MTUS2: variants seen among roughly 807,000 people sequenced by gnomAD.
The protein encoded by MTUS2 is microtubule associated scaffold protein 2.
In MTUS2, 40 loss-of-function variants were observed where a neutral mutation model predicts 114.1. The observed-to-expected ratio is 0.35, with a 90% CI of 0.27 to 0.46. MTUS2 has a LOEUF of 0.46. MTUS2 is among the 20% of genes least tolerant of loss of function. MTUS2 has a pLI of 1.00. For synonymous variants in MTUS2, 688 were observed against 672.0 expected, an observed-to-expected ratio of 1.02 and a Z score of -0.37; for missense variants, 1,679 against 1,705.4, an observed-to-expected ratio of 0.98 and a Z score of 0.27.
At chr13:29,187,138 T>A (rs182128792) in intron 5 of MTUS2, among the ~76,000 whole-genome samples, 44 of 151,862 alleles carry the variant, frequency 2.9e-4, no homozygotes, top group African/African-American at 9.9e-4. Flanking sequence ...TACCTGTGAA[T>A]GCAAATATTA....
intron 5 of MTUS2, among the ~76,000 whole-genome samples, chr13:29,117,931 C>A (rs3927511): frequency 0.21 from 32,536 of 152,026 alleles, 3,732 homozygotes; most frequent in African/African-American, 0.27. Flanking sequence ...GGACCCTGTC[C>A]AGATGGTTTC....
At chr13:29,083,808 A>G (rs1185654651) in intron 4 of MTUS2, among the ~76,000 whole-genome samples, 1 of 152,204 alleles carries the variant, frequency 6.6e-6, no homozygotes, top group Non-Finnish European at 1.5e-5. Flanking sequence ...TTGCCAAGCC[A>G]ATTTTGTATA....
chr13:29,194,878 A>G (rs962579334), intron 5 of MTUS2, among the ~76,000 whole-genome samples: 8 of 150,776 alleles, frequency 5.3e-5, no homozygotes, highest in African/African-American at 1.9e-4. Context: ...GGATTAAGAA[A>G]ATGTGGCACA....
chr13:28,911,433 C>T lies in MTUS2; in HGVS notation c.-243+71583C>T, dbSNP rs542041165. On this transcript the variant is annotated intron_variant, in intron 2 of 15. Transcript: ENST00000612955. ...TCGTGATCCACCCGCCTCAGCCTCC[C>T]GAAGTGCTGGGATTACAGGCGTGAG... is the stretch of plus-strand genomic sequence containing the variant. Among the ~76,000 whole-genome samples the T allele has an allele frequency of 8.5e-5, 13 of 152,152 alleles. No individual in the cohort carries two copies. The South Asian group carries it at 1.7e-3, about 19-fold the overall frequency.
chr13:28,826,474 T>C lies in MTUS2; in HGVS notation c.-316+5863T>C, dbSNP rs565715254. On this transcript the variant is annotated intron_variant, in intron 1 of 15. Transcript: ENST00000612955. ...CTCTGAGGTCCTCTCCTTATTAGTC[T>C]TTTTACTCTGTTTACTGTAGACCCA... Among the ~76,000 whole-genome samples the C allele has an allele frequency of 2.6e-5, 4 of 152,328 alleles. No individual in the cohort carries two copies. The South Asian group carries it at 8.3e-4, about 32-fold the overall frequency.
At chr13:29,143,071 A>G (rs997606622) in intron 5 of MTUS2, among the ~76,000 whole-genome samples, 2 of 152,182 alleles carry the variant, frequency 1.3e-5, no homozygotes, top group Non-Finnish European at 2.9e-5. Flanking sequence ...TGTATATTGA[A>G]CAGTGGGCGC....
At chr13:28,826,012 C>T (rs1283319057) in intron 1 of MTUS2, among the ~76,000 whole-genome samples, 1 of 152,186 alleles carries the variant, frequency 6.6e-6, no homozygotes, top group Non-Finnish European at 1.5e-5. Flanking sequence ...AACTTAAGGT[C>T]ATTCCTGGGT....
At chr13:29,401,747 A>G (rs1874365387) in intron 8 of MTUS2, among the ~76,000 whole-genome samples, 1 of 152,182 alleles carries the variant, frequency 6.6e-6, no homozygotes, top group Non-Finnish European at 1.5e-5. Context: ...TTTATCCACT[A>G]TGGTTTATAA....
intron 5 of MTUS2, among the ~76,000 whole-genome samples, chr13:29,156,017 G>T (rs1593536705): frequency 1.3e-5 from 2 of 152,038 alleles, no homozygotes; most frequent in Non-Finnish European, 2.9e-5. Context: ...ATGCACACTG[G>T]CTAAATATTG....
At chr13:29,127,382 A>T (rs925071412) in intron 5 of MTUS2, among the ~76,000 whole-genome samples, 5 of 152,204 alleles carry the variant, frequency 3.3e-5, no homozygotes, top group Non-Finnish European at 7.3e-5. Flanking sequence ...GTTACCATGG[A>T]GGTATGTTGT....
intron 9 of MTUS2, among the ~76,000 whole-genome samples, chr13:29,467,926 G>A (rs536190673): frequency 5.3e-5 from 8 of 151,574 alleles, no homozygotes; most frequent in Non-Finnish European, 1.5e-5. Flanking sequence ...ACCAGCTGAG[G>A]CAACACTGAG....
intron 5 of MTUS2, among the ~76,000 whole-genome samples, chr13:29,176,225 T>C (rs1031543641): frequency 6.6e-6 from 1 of 152,220 alleles, no homozygotes; most frequent in Non-Finnish European, 1.5e-5. Flanking sequence ...TGCTCTTTTT[T>C]CTCAGGTTTC....
At chr13:28,845,341 C>A (rs1875799289) in intron 2 of MTUS2, among the ~76,000 whole-genome samples, 1 of 152,196 alleles carries the variant, frequency 6.6e-6, no homozygotes, top group Non-Finnish European at 1.5e-5. Context: ...TTATTCACTA[C>A]CATTTTCCTG....
chr13:29,497,132 G>A (rs767681242), intron 12 of MTUS2, 106 bp from the exon 13 acceptor site: 29 of 950,662 alleles, frequency 3.1e-5, no homozygotes, highest in Non-Finnish European at 4.7e-5. Context: ...GAAACACTCT[G>A]AGGATGCCCA....
At chr13:29,394,637 A>G (rs1011522181) in intron 8 of MTUS2, among the ~76,000 whole-genome samples, 2 of 152,238 alleles carry the variant, frequency 1.3e-5, no homozygotes, top group African/African-American at 4.8e-5. Context: ...GATTCTCCCC[A>G]GCAGGGATCC....
chr13:29,084,371 A>G (rs1172646287), intron 4 of MTUS2, among the ~76,000 whole-genome samples: 1 of 151,780 alleles, frequency 6.6e-6, no homozygotes, highest in African/African-American at 2.4e-5. Flanking sequence ...CTTAAAAAAA[A>G]AAACAAAACA....
intron 8 of MTUS2, among the ~76,000 whole-genome samples, chr13:29,431,942 TCAAA>T (rs1042453359): frequency 6.6e-6 from 1 of 150,854 alleles, no homozygotes; most frequent in South Asian, 2.1e-4. Context: ...ACTCCCAGAC[TCAAA>T]CAATCTTCCC....
intron 7 of MTUS2, among the ~76,000 whole-genome samples, 187 bp downstream of exon 7, chr13:29,324,898 T>TA (rs1280882724): frequency 6.6e-6 from 1 of 152,236 alleles, no homozygotes; most frequent in East Asian, 1.9e-4. Context: ...CATTTAATCT[T>TA]AAAAAACAAG....
chr13:29,236,655 C>G (rs1182941259), intron 5 of MTUS2, among the ~76,000 whole-genome samples: 1 of 152,170 alleles, frequency 6.6e-6, no homozygotes, highest in Non-Finnish European at 1.5e-5. Flanking sequence ...TAATGCTGAG[C>G]AAGGAAAAGC....
Sources: allele counts gnomAD v4.1 joint callset (sites outside exome capture counted in the v4.1 genomes callset), GRCh38; gene constraint gnomAD v4.1.1; transcripts MANE v1.5; gene names NCBI Gene and HGNC (gene_info 2026-07-23, HGNC 2026-07-21).